Variants in GFER observed in about 807,000 individuals in gnomAD.
GFER encodes FAD-linked sulfhydryl oxidase ALR.
GFER carries 24 observed loss-of-function variants against 18.2 expected under a neutral mutation model. The ratio of observed to expected loss-of-function variants is 1.32; its 90% CI spans 0.96 to 1.86. GFER has a LOEUF of 1.86. GFER is among the 40% of genes most tolerant of loss of function. GFER has a pLI of 0.00. For synonymous variants in GFER, 138 were observed against 126.9 expected (o/e 1.09, Z -0.59); for missense variants, 316 against 295.6 (o/e 1.07, Z -0.51).
In GFER at chr16:1,986,934, T is replaced by G. The variant is rs11542302; in HGVS notation, c.*906T>G. 6.6e-6 allele frequency: 1 copy of G among 152,250 alleles called. No individual in the cohort carries two copies. The highest frequency in any genetic ancestry group is 1.5e-5 in the Non-Finnish European group (1 of 68,170). The allele number at this position is 152,250 out of a possible 1,614,324, so 9.4% of individuals were successfully genotyped here. The stretch of plus-strand genomic sequence containing the variant: ...CCAGCAAAGCCATGGCTTCTACCCC[T>G]AGTTCCCCTGACAGGAAGTTCTTGG... On this transcript the variant is annotated 3_prime_UTR_variant, in exon 3 of 3. Transcript: ENST00000248114.
In GFER at chr16:1,985,389, G is replaced by A. The variant is rs2075813; in HGVS notation, c.455+446G>A. ...GGTGTTTCTAGGCCAGATGTATAGGGTAGAGCCGCCATTGTTGCTATAAGG... is the reference window on the plus strand; with the variant it reads ...GGTGTTTCTAGGCCAGATGTATAGGATAGAGCCGCCATTGTTGCTATAAGG... On this transcript the variant is annotated intron_variant, in intron 2 of 2. Transcript: ENST00000248114. 4.7e-3 allele frequency among the ~76,000 whole-genome samples: 711 copies of A among 152,346 alleles called. 22 individuals carry two copies. The East Asian group carries it at 0.092, about 20-fold the overall frequency.
At chr16:1,984,990 C>T (rs2150895379) in intron 2 of GFER, 47 bp downstream of exon 2, 1 of 1,409,962 alleles carries the variant, frequency 7.1e-7, no homozygotes, top group Non-Finnish European at 1.0e-6. Context: ...GAGCCTGGGC[C>T]TGGGGCTCCT....
rs931002479 is a variant in GFER, at chr16:1,987,573, G to A, written c.*1545G>A. The A allele has an allele frequency of 2.6e-5, 4 of 152,198 alleles. No individual in the cohort carries two copies. Among genetic ancestry groups the A allele is most frequent in the Non-Finnish European group, 4.4e-5 (3 of 68,050 alleles). 9.4% of individuals were successfully genotyped at this position (152,198 alleles called of 1,614,324 possible). The stretch of plus-strand genomic sequence containing the variant: ...CGCGCTTCTCTCTGGCCTTTCCCGA[G>A]GCCTGTGAGTGCCTCAGGAAGCAGC... On this transcript the variant is annotated 3_prime_UTR_variant, in exon 3 of 3. Transcript: ENST00000248114.
At position 1,987,699 on chromosome 16, in the gene GFER, C is replaced by T. The variant is rs2083574863; in HGVS notation, c.*1671C>T. ...CCCCCCCACCGCCTTCCCTTTTTCCCTGTCTTCCTTAAAGTTTCACTCCTG... is the reference window on the plus strand; with the variant it reads ...CCCCCCCACCGCCTTCCCTTTTTCCTTGTCTTCCTTAAAGTTTCACTCCTG... On this transcript the variant is annotated 3_prime_UTR_variant, in exon 3 of 3. Coordinates refer to ENST00000248114, the MANE Select transcript of GFER (RefSeq NM_005262.3). 1 of 151,198 alleles carries T rather than the reference C, an allele frequency of 6.6e-6. No individual in the cohort carries two copies. Among genetic ancestry groups the T allele is most frequent in the South Asian group, 2.1e-4 (1 of 4,768 alleles). 9.4% of individuals were successfully genotyped at this position (151,198 alleles called of 1,614,324 possible).
chr16:1,984,650 C>A, intron 1 of GFER, 97 bp from the exon 2 acceptor site: 1 of 1,389,752 alleles, frequency 7.2e-7, no homozygotes. Context: ...GGACTTTGGC[C>A]GGAGTCCAGT....
At chr16:1,984,998 C>T (rs2083556303) in intron 2 of GFER, 55 bp downstream of exon 2, 11 of 1,366,354 alleles carry the variant, frequency 8.1e-6, no homozygotes, top group Non-Finnish European at 1.1e-5. Context: ...GCCTGGGGCT[C>T]CTGGCTGACG....
chr16:1,984,379 C>G lies in GFER; in HGVS notation c.161C>G (p.Ala54Gly). The change falls in exon 1 of 3, where the codon GCG becomes GGG. Residue 54 changes from alanine (A) to glycine (G), a missense_variant. Physicochemically the swap from Ala to Gly is moderately conservative, Grantham distance 60 (BLOSUM62 0). Transcript: ENST00000248114. ...GCCTCGGCCTCGACGCCAGCCCAGG[C>G]GCCGACCTCCGATTCTCCTGTCGCC... ...AAASASTPAQ[A>G]PTSDSPVAED... is the part of the protein sequence containing the mutation. 1 of 1,531,610 alleles carries G rather than the reference C, an allele frequency of 6.5e-7. No individual in the cohort carries two copies. The highest frequency in any genetic ancestry group is 8.7e-7 in the Non-Finnish European group (1 of 1,143,412). The allele number at this position is 1,531,610 out of a possible 1,614,324, so 94.9% of individuals were successfully genotyped here.
intron 1 of GFER, 111 bp downstream of exon 1, chr16:1,984,587 C>A: frequency 7.2e-7 from 1 of 1,388,288 alleles, no homozygotes; most frequent in East Asian, 2.4e-5. Flanking sequence ...CCTTGCCCCC[C>A]GGGTAGGCCC....
rs376478434 is a variant in GFER, at chr16:1,984,995, G to A, written c.455+52G>A. 1.8e-5 allele frequency: 25 copies of A among 1,388,544 alleles called. No homozygotes were observed. The African/African-American group carries it at 3.4e-4, about 19-fold the overall frequency. The allele number at this position is 1,388,544 out of a possible 1,614,324, so 86.0% of individuals were successfully genotyped here. A position where few individuals can be genotyped will look rare whatever the true frequency, so the allele number is the denominator to read the frequency against. On this transcript the variant is annotated intron_variant, in intron 2 of 2. Transcript: ENST00000248114. ...CTTTGCACTGGAGCCTGGGCCTGGG[G>A]CTCCTGGCTGACGTTATAGCGGGGA... is the stretch of plus-strand genomic sequence containing the variant.
chr16:1,986,305 A>G lies in GFER; in HGVS notation c.*277A>G, dbSNP rs2083567308. 2.1e-6 allele frequency: 1 copy of G among 482,350 alleles called. No homozygotes were observed. Among genetic ancestry groups the G allele is most frequent in the Admixed American group, 3.3e-5 (1 of 30,250 alleles). 29.9% of individuals were successfully genotyped at this position (482,350 alleles called of 1,614,324 possible). A position where few individuals can be genotyped will look rare whatever the true frequency, so the allele number is the denominator to read the frequency against. On this transcript the variant is annotated 3_prime_UTR_variant, in exon 3 of 3. Transcript: ENST00000248114. ...GAGGAGCAGCCTGGGCTGCCCCTTG[A>G]CATTCAGGATGTAGCTTCCTGCCCA...
At chr16:1,985,688 C>G (rs963334554) in intron 2 of GFER, among the ~76,000 whole-genome samples, 178 bp from the exon 3 acceptor site, 2 of 152,192 alleles carry the variant, frequency 1.3e-5, no homozygotes, top group Non-Finnish European at 2.9e-5. Context: ...TTCATCACAC[C>G]CGGGGAGCTG....
Position 1,985,849 on chromosome 16 carries a change from C to T in GFER, c.456-17C>T. 1 of 1,609,502 alleles carries T rather than the reference C, an allele frequency of 6.2e-7. No homozygotes were observed. The highest frequency in any genetic ancestry group is 1.7e-4 in the Middle Eastern group (1 of 6,050). ...GCCGCTGCGTCCTCTCATTCTTTAC[C>T]TGCTCTCCCTACACAGGCTGTGCAG... On this transcript the variant is annotated splice_polypyrimidine_tract_variant and intron_variant, in intron 2 of 2. Transcript: ENST00000248114.
chr16:1,985,233 G>A (rs1420700853), intron 2 of GFER, among the ~76,000 whole-genome samples: 1 of 152,242 alleles, frequency 6.6e-6, no homozygotes, highest in African/African-American at 2.4e-5. Context: ...CCGCAAGTTA[G>A]GGAAGACTCC....
chr16:1,985,765 C>T (rs1055979208), intron 2 of GFER, 101 bp from the exon 3 acceptor site: 1 of 1,105,652 alleles, frequency 9.0e-7, no homozygotes, highest in Non-Finnish European at 1.4e-6. Flanking sequence ...GTGTAGTTCA[C>T]AGCAGTGCCC....
At position 1,985,922 on chromosome 16, in the gene GFER, G is replaced by A. The variant is rs1172541426; in HGVS notation, c.512G>A (p.Cys171Tyr). 6.8e-6 allele frequency: 11 copies of A among 1,612,902 alleles called. No homozygotes were observed. The highest frequency in any genetic ancestry group is 9.3e-6 in the Non-Finnish European group (11 of 1,179,978). Residue 171 changes from cysteine to tyrosine, a missense_variant, in exon 3 of 3, where the codon TGC (cysteine) becomes TAC (tyrosine). Transcript: ENST00000248114. Reference protein sequence around the residue: ...RTRACFTQWLCHLHNEVNRKL... With the variant: ...RTRACFTQWLYHLHNEVNRKL... Reference sequence around the variant, plus strand: ...CGGGCATGCTTCACACAGTGGCTGTGCCACCTGCACAATGAAGTGAACCGC... The same window carrying A: ...CGGGCATGCTTCACACAGTGGCTGTACCACCTGCACAATGAAGTGAACCGC...
Position 1,984,926 on chromosome 16 carries a change from T to C in GFER, c.438T>C (p.Ala146=). 1.2e-6 allele frequency: 2 copies of C among 1,612,800 alleles called. No individual in the cohort carries two copies. Among genetic ancestry groups the C allele is most frequent in the Non-Finnish European group, 1.7e-6 (2 of 1,179,232 alleles). The change falls in exon 2 of 3, where the codon GCT becomes GCC. Residue 146 remains alanine (A), a synonymous_variant. Transcript: ENST00000248114. ...AGTTTTACCCCTGTGAGGAGTGTGC[T>C]GAAGACCTAAGAAAAAGGTAAGATG... is the stretch of plus-strand genomic sequence containing the variant. ...FSKFYPCEEC[A]EDLRKRLCRN... is the part of the protein sequence containing the mutation.
Position 1,984,332 on chromosome 16 carries a change from C to A in GFER, c.114C>A (p.Gly38=), listed in dbSNP as rs1372636034. 1.3e-6 allele frequency: 2 copies of A among 1,488,788 alleles called. No homozygotes were observed. The highest frequency in any genetic ancestry group is 2.6e-5 in the South Asian group (2 of 78,262). The allele number at this position is 1,488,788 out of a possible 1,614,324, so 92.2% of individuals were successfully genotyped here. Residue 38 remains glycine, a synonymous_variant, in exon 1 of 3, where the codon GGC becomes GGA. Transcript: ENST00000248114. ...TGGCGACCGACGCGCGGGGCCGGGGCGCGGGGCGGAGAGACGCGGCCGCCT... is the reference window on the plus strand; with the variant it reads ...TGGCGACCGACGCGCGGGGCCGGGGAGCGGGGCGGAGAGACGCGGCCGCCT... The part of the protein sequence containing the change: ...DDLATDARGR[G]AGRRDAAASA...
rs1327179427 is a variant in GFER at position 1,986,267 on chromosome 16, CA to C, written c.*240del. ...ACCCCAAGGAGCTGCAGCTGAACTG[CA>C]GGGGAGGGAAGGAGGAGCAGCCTGG... On this transcript the variant is annotated 3_prime_UTR_variant, in exon 3 of 3. Transcript: ENST00000248114. 4.1e-5 allele frequency: 23 copies of C among 555,508 alleles called. No individual in the cohort carries two copies. Among genetic ancestry groups the C allele is most frequent in the Non-Finnish European group, 6.2e-5 (19 of 305,968 alleles). The allele number at this position is 555,508 out of a possible 1,614,324, so 34.4% of individuals were successfully genotyped here.
chr16:1,985,806 A>G lies in GFER; in HGVS notation c.456-60A>G, dbSNP rs1415261833. ...CTCCTTCCTTGACAGCAGACAGGGA[A>G]CTGGCAGGGGCAGTGGAGCCGCTGC... On this transcript the variant is annotated intron_variant, in intron 2 of 2. Coordinates refer to ENST00000248114, the MANE Select transcript of GFER (RefSeq NM_005262.3). 7 of 1,442,010 alleles carry G rather than the reference A, an allele frequency of 4.9e-6. No individual in the cohort carries two copies. The Admixed American group carries it at 5.0e-5, about 10-fold the overall frequency. The allele number at this position is 1,442,010 out of a possible 1,614,324, so 89.3% of individuals were successfully genotyped here. A position where few individuals can be genotyped will look rare whatever the true frequency, so the allele number is the denominator to read the frequency against.
Sources: allele counts gnomAD v4.1 joint callset (sites outside exome capture counted in the v4.1 genomes callset), GRCh38; gene constraint gnomAD v4.1.1; transcripts MANE v1.5; gene names NCBI Gene and HGNC (gene_info 2026-07-23, HGNC 2026-07-21).